Variants in SUCLG2 observed in about 807,000 individuals in gnomAD.
SUCLG2 encodes succinate-CoA ligase GDP-forming subunit beta.
SUCLG2 carries 42 observed loss-of-function variants against 47.9 expected under a neutral mutation model. That is an observed-to-expected ratio of 0.88 (90% CI 0.69 to 1.14). SUCLG2 has a LOEUF of 1.14. SUCLG2 is among the 50% of genes most tolerant of loss of function. The pLI, the probability that SUCLG2 is intolerant of heterozygous loss-of-function variation, is 0.00. For missense variants in SUCLG2, 571 were observed against 525.9 expected, an observed-to-expected ratio of 1.09 and a Z score of -0.84; for synonymous variants, 195 against 197.3, an observed-to-expected ratio of 0.99 and a Z score of 0.10.
intron 9 of SUCLG2, among the ~76,000 whole-genome samples, chr3:67,459,384 A>G (rs901045262): frequency 6.6e-6 from 1 of 152,186 alleles, no homozygotes. Flanking sequence ...CAGCAAATCT[A>G]CTTCCCAGGC....
chr3:67,518,150 T>C, intron 6 of SUCLG2, 97 bp downstream of exon 6: 1 of 984,228 alleles, frequency 1.0e-6, no homozygotes, highest in Non-Finnish European at 1.5e-6. Flanking sequence ...TAAATAATCC[T>C]GTTTCCTGGT....
chr3:67,380,236 G>A (rs1449738785), intron 10 of SUCLG2, among the ~76,000 whole-genome samples: 1 of 151,424 alleles, frequency 6.6e-6, no homozygotes, highest in Non-Finnish European at 1.5e-5. Context: ...TTGCTGGGAA[G>A]GGCCCAGGAA....
chr3:67,653,196 A>G (rs1306201295), intron 1 of SUCLG2, among the ~76,000 whole-genome samples: 2 of 152,166 alleles, frequency 1.3e-5, no homozygotes, highest in Non-Finnish European at 2.9e-5. Context: ...TCAAGTCTAC[A>G]CTCATGGTAA....
At chr3:67,364,375 A>G (rs995967777) in intron 10 of SUCLG2, among the ~76,000 whole-genome samples, 13 of 151,584 alleles carry the variant, frequency 8.6e-5, no homozygotes, top group African/African-American at 3.1e-4. Flanking sequence ...ATCCCCCCCA[A>G]CTATTCACTG....
chr3:67,609,527 T>C lies in SUCLG2; in HGVS notation c.154A>G (p.Asn52Asp), dbSNP rs1700490527. ...AAGAATCTTTGAACTCTCACTCCGT[T>C]GTCAGACATCAGTTTCTTGCTCTGG... ...EYQSKKLMSD[N>D]GVRVQRFFVA... is the part of the protein sequence containing the mutation. The change falls in exon 2 of 11, where the codon AAC (asparagine) becomes GAC (aspartate). Residue 52 changes from asparagine to aspartate, a missense_variant. Physicochemically the swap from Asn to Asp is conservative, Grantham distance 23. Transcript: ENST00000307227. The C allele has an allele frequency of 6.2e-7, 1 of 1,613,940 alleles. No homozygotes were observed. Among genetic ancestry groups the C allele is most frequent in the Non-Finnish European group, 8.5e-7 (1 of 1,179,908 alleles).
intron 4 of SUCLG2, among the ~76,000 whole-genome samples, chr3:67,523,136 T>G (rs1706163204): frequency 1.3e-5 from 2 of 152,086 alleles, no homozygotes; most frequent in Admixed American, 6.6e-5. Context: ...CAAAAAAAAG[T>G]TACAGATTAA....
At position 67,520,559 on chromosome 3, in the gene SUCLG2, G is replaced by T. The variant is rs749397659; in HGVS notation, c.493C>A (p.Pro165Thr). 1.7e-5 allele frequency: 28 copies of T among 1,614,048 alleles called. No homozygotes were observed. The highest frequency in any genetic ancestry group is 2.2e-5 in the Non-Finnish European group (26 of 1,180,016). The change falls in exon 5 of 11, where the codon CCC becomes ACC. Residue 165 changes from proline to threonine, a missense_variant. Transcript: ENST00000307227. Reference protein sequence around the residue: ...AILMDRSCNGPVLVGSPQGGV... With the variant: ...AILMDRSCNGTVLVGSPQGGV... ...CCCTGGGGGCTGCCCACCAGCACGG[G>T]GCCATTGCAGGACCGGTCCATCAGA...
In SUCLG2 at chr3:67,536,758, C is replaced by G. The variant is rs927158837; in HGVS notation, c.227-7572G>C. 2.0e-5 allele frequency among the ~76,000 whole-genome samples: 3 copies of G among 152,206 alleles called. No individual in the cohort carries two copies. The East Asian group carries it at 5.8e-4, about 29-fold the overall frequency. On this transcript the variant is annotated intron_variant, in intron 2 of 10. Transcript: ENST00000307227. ...TTCAGGCTGGGCAACTTATTTCATA[C>G]AGCTGAAAAATGCACAACAGTTAAA...
intron 2 of SUCLG2, among the ~76,000 whole-genome samples, chr3:67,590,898 G>A (rs1333999026): frequency 1.6e-5 from 2 of 123,842 alleles, no homozygotes; most frequent in Non-Finnish European, 3.9e-5. Context: ...CTAAGACTTT[G>A]GACATTAAGA....
chr3:67,522,801 C>A (rs1706152472), intron 4 of SUCLG2, among the ~76,000 whole-genome samples: 1 of 150,624 alleles, frequency 6.6e-6, no homozygotes, highest in East Asian at 1.9e-4. Context: ...GTAGCTGGGA[C>A]TACAGGTGCC....
chr3:67,435,327 T>C (rs1703591892), intron 9 of SUCLG2, among the ~76,000 whole-genome samples: 2 of 152,236 alleles, frequency 1.3e-5, no homozygotes, highest in South Asian at 4.1e-4. Context: ...CCTCAAACTT[T>C]TGCTTCAAAT....
At chr3:67,407,153 G>T (rs62256379) in intron 9 of SUCLG2, among the ~76,000 whole-genome samples, 67,552 of 152,036 alleles carry the variant, frequency 0.44, 15,866 homozygotes, top group Non-Finnish European at 0.53. Flanking sequence ...TAAGCATGGT[G>T]TATTCCAATA....
intron 9 of SUCLG2, among the ~76,000 whole-genome samples, chr3:67,463,589 G>A (rs892056639): frequency 1.3e-5 from 2 of 152,190 alleles, no homozygotes; most frequent in Admixed American, 6.5e-5. Flanking sequence ...AAGGAGAAGA[G>A]TATCTAAATA....
At chr3:67,557,930 C>G (rs1413877231) in intron 2 of SUCLG2, among the ~76,000 whole-genome samples, 1 of 152,174 alleles carries the variant, frequency 6.6e-6, no homozygotes, top group Non-Finnish European at 1.5e-5. Flanking sequence ...AGTCCCTTGG[C>G]TGTGAAATTC....
intron 2 of SUCLG2, among the ~76,000 whole-genome samples, chr3:67,582,883 C>T (rs757613145): frequency 6.6e-6 from 1 of 152,020 alleles, no homozygotes; most frequent in African/African-American, 2.4e-5. Flanking sequence ...AAAAAAACAC[C>T]TTTTATTACA....
intron 2 of SUCLG2, among the ~76,000 whole-genome samples, chr3:67,606,737 C>T (rs78848366): frequency 2.0e-5 from 3 of 152,280 alleles, no homozygotes; most frequent in Admixed American, 2.0e-4. Context: ...ATATAAGTCA[C>T]TTCAATTTCT....
At chr3:67,368,028 C>T (rs1701899328) in intron 10 of SUCLG2, among the ~76,000 whole-genome samples, 1 of 152,132 alleles carries the variant, frequency 6.6e-6, no homozygotes, top group Non-Finnish European at 1.5e-5. Context: ...ACTGTTTATA[C>T]ACAATATTAT....
chr3:67,653,161 C>T (rs1701317851), intron 1 of SUCLG2, among the ~76,000 whole-genome samples: 1 of 152,156 alleles, frequency 6.6e-6, no homozygotes, highest in Admixed American at 6.5e-5. Context: ...TTTTCACTGC[C>T]CTGGGCCCCA....
chr3:67,466,056 C>G (rs1207444560), intron 9 of SUCLG2, among the ~76,000 whole-genome samples: 1 of 152,120 alleles, frequency 6.6e-6, no homozygotes, highest in Admixed American at 6.5e-5. Context: ...CTTAAATACC[C>G]TGCTTTAAAA....
Sources: gnomAD v4.1 joint callset for allele counts (sites outside exome capture counted in the v4.1 genomes callset) on GRCh38, gnomAD v4.1.1 for gene constraint, MANE v1.5 for transcripts, NCBI Gene and HGNC (gene_info 2026-07-23, HGNC 2026-07-21) for gene names.